Variants in NYAP2 observed in about 807,000 individuals in gnomAD.
NYAP2 encodes neuronal tyrosine-phosphorylated phosphoinositide-3-kinase adapter 2.
NYAP2 carries 23 observed loss-of-function variants against 50.4 expected under a neutral mutation model. That is an observed-to-expected ratio of 0.46 (90% CI 0.33 to 0.65). The LOEUF is 0.65. NYAP2 is among the 30% of genes least tolerant of loss of function. The pLI, the probability that NYAP2 is intolerant of heterozygous loss-of-function variation, is 0.02. For missense variants in NYAP2, 885 were observed against 861.0 expected, an observed-to-expected ratio of 1.03 and a Z score of -0.35; for synonymous variants, 394 against 365.2, an observed-to-expected ratio of 1.08 and a Z score of -0.90.
chr2:225,664,794 T>C, the NYAP2 span, among the ~76,000 whole-genome samples: 1 of 152,040 alleles, frequency 6.6e-6, no homozygotes, highest in Non-Finnish European at 1.5e-5. Context: ...GAGAATGGCG[T>C]GAACCTGGGA....
chr2:225,480,248 A>G (rs1291234784), intron 3 of NYAP2, among the ~76,000 whole-genome samples: 1 of 152,084 alleles, frequency 6.6e-6, no homozygotes, highest in African/African-American at 2.4e-5. Flanking sequence ...TATTGGGAAG[A>G]GTGGGTGTGG....
intron 3 of NYAP2, among the ~76,000 whole-genome samples, chr2:225,422,277 C>T (rs1695227981): frequency 6.6e-6 from 1 of 152,148 alleles, no homozygotes; most frequent in Non-Finnish European, 1.5e-5. Context: ...CATACTGAAT[C>T]TCATTAATAA....
downstream of NYAP2, among the ~76,000 whole-genome samples, chr2:225,655,579 A>C (rs1332112636): frequency 6.6e-6 from 1 of 152,214 alleles, no homozygotes; most frequent in Non-Finnish European, 1.5e-5. Context: ...ATGTACTCAG[A>C]AGAAAGAGAT....
At chr2:225,506,059 G>GA (rs150569556) in intron 3 of NYAP2, among the ~76,000 whole-genome samples, 5 of 149,052 alleles carry the variant, frequency 3.4e-5, no homozygotes, top group Non-Finnish European at 7.5e-5. Context: ...CTGAGAGAGA[G>GA]AAAAAAAAAA....
chr2:225,493,161 T>C (rs1365841826), intron 3 of NYAP2, among the ~76,000 whole-genome samples: 1 of 152,050 alleles, frequency 6.6e-6, no homozygotes, highest in East Asian at 1.9e-4. Context: ...AATTTTTGTA[T>C]TTGTTGTAAA....
intron 5 of NYAP2, among the ~76,000 whole-genome samples, chr2:225,608,235 T>C (rs1041860450): frequency 6.6e-6 from 1 of 152,174 alleles, no homozygotes; most frequent in African/African-American, 2.4e-5. Context: ...AAACTAGGTC[T>C]GTACAATACG....
intron 4 of NYAP2, among the ~76,000 whole-genome samples, chr2:225,522,780 G>C (rs749534160): frequency 6.6e-6 from 1 of 152,138 alleles, no homozygotes; most frequent in Admixed American, 6.6e-5. Flanking sequence ...CCAGCAATGA[G>C]TTAAAGGAAC....
In NYAP2 at chr2:225,627,855, C is replaced by T. The variant is rs565647589; in HGVS notation, c.1828+729C>T. ...ACAGAGAGCTGTCAATTGAAATAAA[C>T]AACAAATAATCAAGGAACCTCCTGT... On this transcript the variant is annotated intron_variant, in intron 6 of 6. Transcript: ENST00000636099. Among the ~76,000 whole-genome samples the T allele has an allele frequency of 1.9e-3, 289 of 152,248 alleles. 1 individual carries two copies. In the Middle Eastern group the frequency reaches 0.02, roughly 11 times the overall value.
intron 3 of NYAP2, among the ~76,000 whole-genome samples, chr2:225,483,053 T>C (rs946907878): frequency 3.9e-5 from 6 of 152,198 alleles, no homozygotes; most frequent in African/African-American, 1.4e-4. Context: ...TCTGTACTGG[T>C]AATTTATATC....
chr2:225,545,329 C>A (rs1691554669), intron 4 of NYAP2, among the ~76,000 whole-genome samples: 1 of 152,114 alleles, frequency 6.6e-6, no homozygotes, highest in African/African-American at 2.4e-5. Context: ...TTAGATTCGC[C>A]CTTTTGAGGC....
intron 3 of NYAP2, among the ~76,000 whole-genome samples, chr2:225,496,865 T>C (rs866278291): frequency 1.3e-5 from 2 of 152,208 alleles, no homozygotes; most frequent in African/African-American, 4.8e-5. Context: ...TAATAGATGA[T>C]AAATACTATA....
At chr2:225,423,190 T>C (rs1185102957) in intron 3 of NYAP2, among the ~76,000 whole-genome samples, 3 of 152,184 alleles carry the variant, frequency 2.0e-5, no homozygotes, top group Non-Finnish European at 2.9e-5. Flanking sequence ...ATGATTGCAT[T>C]AAAGAAGAGG....
intron 4 of NYAP2, among the ~76,000 whole-genome samples, chr2:225,574,990 A>G (rs1692147180): frequency 6.6e-6 from 1 of 152,012 alleles, no homozygotes; most frequent in South Asian, 2.1e-4. Context: ...ATTTCCTTTC[A>G]TTTCTGCTTG....
chr2:225,479,788 T>A (rs1690175812), intron 3 of NYAP2, among the ~76,000 whole-genome samples: 1 of 152,258 alleles, frequency 6.6e-6, no homozygotes, highest in Admixed American at 6.5e-5. Context: ...ATTGTTAGGA[T>A]AGGAAAAACA....
At position 225,412,309 on chromosome 2, in the gene NYAP2, G is replaced by T. The variant is rs1438905991; in HGVS notation, c.221+3208G>T. Among the ~76,000 whole-genome samples the T allele has an allele frequency of 6.4e-5, 8 of 124,852 alleles. No individual in the cohort carries two copies. In the East Asian group the frequency reaches 1.8e-3, roughly 28 times the overall value. The allele number at this position is 124,852 out of a possible 152,430, so 81.9% of individuals were successfully genotyped here. ...CAAAAATTTTGTTCCTGTAAGAAGG[G>T]AGAAAATCAGCATATTTAAAATGTG... On this transcript the variant is annotated intron_variant, in intron 3 of 6. Coordinates refer to ENST00000636099, the Ensembl canonical transcript of NYAP2.
chr2:225,575,104 C>T (rs771943939), intron 4 of NYAP2, among the ~76,000 whole-genome samples: 15 of 152,160 alleles, frequency 9.9e-5, no homozygotes, highest in Non-Finnish European at 2.1e-4. Context: ...AACTCTCCTT[C>T]GTTAGGTCCA....
chr2:225,477,385 C>T (rs1035566825), intron 3 of NYAP2, among the ~76,000 whole-genome samples: 2 of 151,648 alleles, frequency 1.3e-5, no homozygotes, highest in South Asian at 2.1e-4. Context: ...TACAGGTGCC[C>T]GCCACCACGC....
At chr2:225,528,302 T>C (rs1691189615) in intron 4 of NYAP2, among the ~76,000 whole-genome samples, 1 of 152,186 alleles carries the variant, frequency 6.6e-6, no homozygotes, top group African/African-American at 2.4e-5. Flanking sequence ...AATAGAAATA[T>C]CACAATACAT....
chr2:225,512,823 C>CTTTCTTTCTT (rs1401236775), intron 3 of NYAP2, among the ~76,000 whole-genome samples: 29 of 47,600 alleles, frequency 6.1e-4, no homozygotes, highest in African/African-American at 3.0e-3. Context: ...CTTTCTTTCT[C>CTTTCTTTCTT]TCTCTCTCTC....
Sources: gnomAD v4.1 joint callset for allele counts (sites outside exome capture counted in the v4.1 genomes callset) on GRCh38, gnomAD v4.1.1 for gene constraint, MANE v1.5 for transcripts, NCBI Gene and HGNC (gene_info 2026-07-23, HGNC 2026-07-21) for gene names.